STRADB: variants seen among roughly 807,000 people sequenced by gnomAD.
STRADB encodes the protein STE20 related adaptor beta.
In STRADB, 34 loss-of-function variants were observed where a neutral mutation model predicts 52.1. The ratio of observed to expected loss-of-function variants is 0.65; its 90% CI spans 0.50 to 0.87. STRADB has a LOEUF of 0.87. STRADB is among the 40% of genes least tolerant of loss of function. The pLI, the probability that STRADB is intolerant of heterozygous loss-of-function variation, is 0.00. For missense variants in STRADB, 340 were observed against 483.9 expected (o/e 0.70, Z 2.79); for synonymous variants, 133 against 174.5 (o/e 0.76, Z 1.87).
intron 10 of STRADB, 125 bp from the exon 11 acceptor site, chr2:201,479,364 A>C: frequency 1.2e-6 from 1 of 833,746 alleles, no homozygotes; most frequent in East Asian, 2.8e-5. Flanking sequence ...TCTGACATAC[A>C]TTCTTTTTAA....
rs758974526 is a variant in STRADB at position 201,478,130 on chromosome 2, G to C, written c.764G>C (p.Gly255Ala). The change falls in exon 9 of 12, where the codon GGG (glycine) becomes GCG (alanine). Residue 255 changes from glycine to alanine, a missense_variant. Gly to Ala is a moderately conservative substitution (Grantham distance 60). Transcript: ENST00000194530. ...GTGAAGTCAGATATTTACAGTGTTG[G>C]GATTACAGCATGTGAATTAGCCAGT... ...YNVKSDIYSV[G>A]ITACELASGQ... 3.1e-6 allele frequency: 5 copies of C among 1,613,650 alleles called. No homozygotes were observed. The highest frequency in any genetic ancestry group is 4.2e-6 in the Non-Finnish European group (5 of 1,179,898).
At chr2:201,456,540 G>C (rs954441298) in intron 2 of STRADB, among the ~76,000 whole-genome samples, 1 of 151,600 alleles carries the variant, frequency 6.6e-6, no homozygotes, top group Non-Finnish European at 1.5e-5. Flanking sequence ...TTCTGCAATG[G>C]TGAAATATTT....
chr2:201,462,450 T>C (rs1032636971), intron 3 of STRADB, among the ~76,000 whole-genome samples: 2 of 152,222 alleles, frequency 1.3e-5, no homozygotes, highest in African/African-American at 2.4e-5. Flanking sequence ...TTATTTGTTT[T>C]GTATTCTCTT....
rs1172473987 is a variant in STRADB, at chr2:201,454,790, C to T, written c.-51C>T. ...GAAAGGAAGATAAAACAAAAGCCTT[C>T]TTTGGAATAGATGGATTTTTGTCAC... On this transcript the variant is annotated 5_prime_UTR_variant, in exon 2 of 12. Transcript: ENST00000194530. 6 of 1,572,390 alleles carry T rather than the reference C, an allele frequency of 3.8e-6. No homozygotes were observed. The Admixed American group carries it at 1.1e-4, about 29-fold the overall frequency.
chr2:201,456,565 C>T (rs578160568), intron 2 of STRADB, among the ~76,000 whole-genome samples: 21 of 107,904 alleles, frequency 1.9e-4, no homozygotes, highest in Admixed American at 1.6e-3. Context: ...TTCTTTGAAT[C>T]GAAATATTTA....
chr2:201,455,121 A>T (rs950262580), intron 2 of STRADB, among the ~76,000 whole-genome samples: 1 of 152,196 alleles, frequency 6.6e-6, no homozygotes, highest in South Asian at 2.1e-4. Context: ...ATACTTTGAT[A>T]TGCCACCCAC....
intron 3 of STRADB, among the ~76,000 whole-genome samples, chr2:201,462,292 G>A (rs1324851216): frequency 6.6e-6 from 1 of 152,040 alleles, no homozygotes; most frequent in East Asian, 1.9e-4. Context: ...GTCTATGAGT[G>A]TCTTTATAGG....
Position 201,470,107 on chromosome 2 carries a change from C to T in STRADB, c.193+55C>T, listed in dbSNP as rs970594136. 11 of 1,348,864 alleles carry T rather than the reference C, an allele frequency of 8.2e-6. No homozygotes were observed. The African/African-American group carries it at 1.4e-4, about 18-fold the overall frequency. The allele number at this position is 1,348,864 out of a possible 1,614,324, so 83.6% of individuals were successfully genotyped here. On this transcript the variant is annotated intron_variant, in intron 4 of 11. Coordinates refer to ENST00000194530, the MANE Select transcript of STRADB (RefSeq NM_018571.6). Reference sequence around the variant, plus strand: ...TCAGTGCTAGAAATTAAATTGATGACAAAAAGATTATTTTGTGGGCAAGTG... The same window carrying T: ...TCAGTGCTAGAAATTAAATTGATGATAAAAAGATTATTTTGTGGGCAAGTG...
intron 5 of STRADB, 146 bp from the exon 6 acceptor site, chr2:201,474,501 G>A (rs1233352679): frequency 1.7e-6 from 1 of 586,378 alleles, no homozygotes; most frequent in African/African-American, 2.0e-5. Context: ...TTGTGGAGTG[G>A]TTGTGAGATT....
chr2:201,457,871 A>C (rs936729843), intron 2 of STRADB, among the ~76,000 whole-genome samples: 5 of 152,108 alleles, frequency 3.3e-5, no homozygotes, highest in Non-Finnish European at 7.4e-5. Flanking sequence ...TAAAAATACA[A>C]AAATTAGCGG....
chr2:201,472,747 T>G (rs976239697), intron 4 of STRADB: 1 of 405,236 alleles, frequency 2.5e-6, no homozygotes, highest in Non-Finnish European at 4.4e-6. Context: ...TTCCTATATC[T>G]TATTTTGTGG....
At chr2:201,469,846 C>G (rs1574288730) in intron 3 of STRADB, 107 bp from the exon 4 acceptor site, 1 of 776,736 alleles carries the variant, frequency 1.3e-6, no homozygotes, top group Non-Finnish European at 2.2e-6. Flanking sequence ...GCAGTACCTT[C>G]CTAATGAGCA....
At chr2:201,458,353 G>A (rs892474440) in intron 2 of STRADB, among the ~76,000 whole-genome samples, 2 of 152,126 alleles carry the variant, frequency 1.3e-5, no homozygotes, top group Non-Finnish European at 2.9e-5. Flanking sequence ...GTGGCTTAAT[G>A]TGAATAAACA....
Position 201,478,447 on chromosome 2 carries a change from T to G in STRADB, c.916T>G (p.Ser306Ala). The change falls in exon 10 of 12, where the codon TCA (serine) becomes GCA (alanine). Residue 306 changes from serine to alanine, a missense_variant. Ser to Ala is a moderately conservative substitution (Grantham distance 99, BLOSUM62 1). Transcript: ENST00000194530. ...AGAATCCAGAATGAAAAATTCCCAG[T>G]CAGGTGTAGACTCTGGGATTGGAGA... ...QSESRMKNSQ[S>A]GVDSGIGESV... 6.2e-7 allele frequency: 1 copy of G among 1,614,084 alleles called. No individual in the cohort carries two copies. The highest frequency in any genetic ancestry group is 8.5e-7 in the Non-Finnish European group (1 of 1,180,032).
intron 3 of STRADB, among the ~76,000 whole-genome samples, chr2:201,459,141 T>C (rs73049580): frequency 0.012 from 1,879 of 152,204 alleles, 56 homozygotes; most frequent in African/African-American, 0.043. Flanking sequence ...TAACTGGCCA[T>C]TTCTCTTCTT....
At chr2:201,469,236 A>G (rs1308919083) in intron 3 of STRADB, among the ~76,000 whole-genome samples, 1 of 152,152 alleles carries the variant, frequency 6.6e-6, no homozygotes, top group Non-Finnish European at 1.5e-5. Context: ...AGAGGCTCCT[A>G]AGTGTCCTTT....
chr2:201,457,608 A>T (rs1952146496), intron 2 of STRADB, among the ~76,000 whole-genome samples: 1 of 152,258 alleles, frequency 6.6e-6, no homozygotes, highest in Non-Finnish European at 1.5e-5. Flanking sequence ...ATATCTTAAA[A>T]GGAAATTTAT....
chr2:201,479,971 C>A, intron 11 of STRADB, 61 bp from the exon 12 acceptor site: 1 of 1,579,384 alleles, frequency 6.3e-7, no homozygotes, highest in Non-Finnish European at 8.7e-7. Context: ...TTATTTATTG[C>A]TAACAAAACT....
intron 3 of STRADB, among the ~76,000 whole-genome samples, chr2:201,468,297 C>T (rs1952337510): frequency 6.6e-6 from 1 of 151,458 alleles, no homozygotes; most frequent in African/African-American, 2.4e-5. Flanking sequence ...ATGATTTACT[C>T]TTAGTAAATC....
Sources: gnomAD v4.1 joint callset for allele counts (sites outside exome capture counted in the v4.1 genomes callset) on GRCh38, gnomAD v4.1.1 for gene constraint, MANE v1.5 for transcripts, NCBI Gene and HGNC (gene_info 2026-07-23, HGNC 2026-07-21) for gene names.